Variants in C17orf50 observed in about 807,000 individuals in gnomAD.
C17orf50 encodes uncharacterized protein C17orf50.
A neutral mutation model predicts 17.7 loss-of-function variants in C17orf50; 16 were observed. That is an observed-to-expected ratio of 0.90 (90% CI 0.61 to 1.37). The LOEUF is 1.37. C17orf50 is among the 40% of genes most tolerant of loss of function. The pLI, the probability that C17orf50 is intolerant of heterozygous loss-of-function variation, is 0.00. For missense variants in C17orf50, 271 were observed against 240.7 expected (o/e 1.13, Z -0.83); for synonymous variants, 125 against 111.0 (o/e 1.13, Z -0.80).
chr17:35,760,980 G>A (rs2085805609), intron 1 of C17orf50, 26 bp downstream of exon 1: 16 of 1,608,740 alleles, frequency 9.9e-6, no homozygotes, highest in African/African-American at 1.3e-5. Flanking sequence ...GGCAGGGTGG[G>A]GCTGGAGGAC....
chr17:35,763,071 G>T (rs151180262), intron 1 of C17orf50, among the ~76,000 whole-genome samples: 3,102 of 150,404 alleles, frequency 0.021, 62 homozygotes, highest in East Asian at 0.11. Context: ...GCAGTGAGCC[G>T]AGATGGCACC....
chr17:35,764,680 C>A lies in C17orf50; in HGVS notation c.*62C>A. On this transcript the variant is annotated 3_prime_UTR_variant, in exon 3 of 3. Coordinates refer to ENST00000605587, the MANE Select transcript of C17orf50 (RefSeq NM_145272.4). Reference sequence around the variant, plus strand: ...TCCTGGCCCCAGACCCCCTACCGACCTTCTCTCTTGGAGCGCGGAGCCCTC... The same window carrying A: ...TCCTGGCCCCAGACCCCCTACCGACATTCTCTCTTGGAGCGCGGAGCCCTC... 1.1e-5 allele frequency: 17 copies of A among 1,489,368 alleles called. No homozygotes were observed. The South Asian group carries it at 2.0e-4, about 17-fold the overall frequency. 92.3% of individuals were successfully genotyped at this position (1,489,368 alleles called of 1,614,324 possible).
At chr17:35,761,405 C>T (rs1280340657) in intron 1 of C17orf50, among the ~76,000 whole-genome samples, 2 of 150,898 alleles carry the variant, frequency 1.3e-5, no homozygotes, top group Non-Finnish European at 3.0e-5. Flanking sequence ...GCCACTGTGC[C>T]TGGCCTGTTT....
At chr17:35,763,922 A>AAATAAATG in intron 1 of C17orf50, 85 bp from the exon 2 acceptor site, 1 of 966,482 alleles carries the variant, frequency 1.0e-6, no homozygotes, top group South Asian at 5.3e-5. Flanking sequence ...ATAAATAAAT[A>AAATAAATG]AATAAATAAA....
chr17:35,764,744 G>A lies in C17orf50; in HGVS notation c.*126G>A. On this transcript the variant is annotated 3_prime_UTR_variant, in exon 3 of 3. Transcript: ENST00000605587. ...GCAGGACCGCCCCTTCTCAGCTGCTGCCCAGAGCGCCCCCATCCGTCAAGA... is the reference window on the plus strand; with the variant it reads ...GCAGGACCGCCCCTTCTCAGCTGCTACCCAGAGCGCCCCCATCCGTCAAGA... 1 of 1,066,288 alleles carries A rather than the reference G, an allele frequency of 9.4e-7. No individual in the cohort carries two copies. The highest frequency in any genetic ancestry group is 1.3e-6 in the Non-Finnish European group (1 of 778,190). The allele number at this position is 1,066,288 out of a possible 1,614,324, so 66.1% of individuals were successfully genotyped here.
At chr17:35,763,225 G>C (rs1460444986) in intron 1 of C17orf50, among the ~76,000 whole-genome samples, 1 of 152,058 alleles carries the variant, frequency 6.6e-6, no homozygotes, top group Non-Finnish European at 1.5e-5. Context: ...CTTGAAGCCA[G>C]GAGTTCAGAG....
chr17:35,764,451 T>G lies in C17orf50; in HGVS notation c.358T>G (p.Cys120Gly). 1.9e-6 allele frequency: 3 copies of G among 1,554,784 alleles called. No individual in the cohort carries two copies. The highest frequency in any genetic ancestry group is 1.2e-5 in the South Asian group (1 of 84,256). Residue 120 changes from cysteine (C) to glycine (G), a missense_variant, in exon 3 of 3, where the codon TGC (cysteine) becomes GGC (glycine). Cys to Gly is a radical substitution (Grantham distance 159, BLOSUM62 -3). Coordinates refer to ENST00000605587, the MANE Select transcript of C17orf50 (RefSeq NM_145272.4). ...GAAGCGGAGCCTCCCGGAGGAGCCG[T>G]GCGTGCTGGAGATCCGGCGACGACC... ...DRKRSLPEEP[C>G]VLEIRRRPPR...
chr17:35,763,029 G>A (rs1161785051), intron 1 of C17orf50, among the ~76,000 whole-genome samples: 1 of 151,768 alleles, frequency 6.6e-6, no homozygotes, highest in African/African-American at 2.4e-5. Flanking sequence ...GGCTGAGGCA[G>A]GAGAATGGCG....
intron 1 of C17orf50, among the ~76,000 whole-genome samples, chr17:35,763,097 G>A (rs1378689397): frequency 6.7e-6 from 1 of 150,160 alleles, no homozygotes; most frequent in Non-Finnish European, 1.5e-5. Context: ...ACTCCAGCCT[G>A]GGCGACAGAG....
At chr17:35,763,421 T>C (rs1325515209) in intron 1 of C17orf50, among the ~76,000 whole-genome samples, 2 of 147,726 alleles carry the variant, frequency 1.4e-5, no homozygotes, top group African/African-American at 5.0e-5. Context: ...ACCACAGGTG[T>C]ACACCACCAT....
At chr17:35,760,987 G>GGACAGGACCTCTT (rs781912048) in intron 1 of C17orf50, 33 bp downstream of exon 1, 1 of 1,604,934 alleles carries the variant, frequency 6.2e-7, no homozygotes, top group African/African-American at 1.3e-5. Context: ...TGGGGCTGGA[G>GGACAGGACCTCTT]GACAGGACCT....
In C17orf50 at chr17:35,764,642, G is replaced by A. The variant is rs1555602456; in HGVS notation, c.*24G>A. ...GAGCGCCCCCGCTCCCAGCCTTTGT[G>A]CCCTCCATCATTTCCTGGCCCCAGA... On this transcript the variant is annotated 3_prime_UTR_variant, in exon 3 of 3. Coordinates refer to ENST00000605587, the MANE Select transcript of C17orf50 (RefSeq NM_145272.4). The A allele has an allele frequency of 6.5e-7, 1 of 1,547,922 alleles. No individual in the cohort carries two copies. The highest frequency in any genetic ancestry group is 8.6e-7 in the Non-Finnish European group (1 of 1,156,618).
chr17:35,761,032 A>G (rs2085806863), intron 1 of C17orf50, 78 bp downstream of exon 1: 1 of 1,481,468 alleles, frequency 6.8e-7, no homozygotes, highest in Admixed American at 2.3e-5. Context: ...GCCCATCACC[A>G]TGAAGTCCAA....
rs1568124499 is a variant in C17orf50 at position 35,764,844 on chromosome 17, C to T, written c.*226C>T. On this transcript the variant is annotated 3_prime_UTR_variant, in exon 3 of 3. Transcript: ENST00000605587. ...GCAGAGCCCAGCATAACCTAGAGCCCGCTGTCAACAGCGCCCACCGAGGGC... is the reference window on the plus strand; with the variant it reads ...GCAGAGCCCAGCATAACCTAGAGCCTGCTGTCAACAGCGCCCACCGAGGGC... The T allele has an allele frequency of 7.0e-6, 3 of 427,672 alleles. No homozygotes were observed. The highest frequency in any genetic ancestry group is 8.2e-6 in the Non-Finnish European group (2 of 245,326). 26.5% of individuals were successfully genotyped at this position (427,672 alleles called of 1,614,324 possible).
In C17orf50 at chr17:35,764,431, G is replaced by C. The variant is rs2085893249; in HGVS notation, c.338G>C (p.Arg113Pro). 7 of 1,538,104 alleles carry C rather than the reference G, an allele frequency of 4.6e-6. No homozygotes were observed. The highest frequency in any genetic ancestry group is 2.0e-5 in the Admixed American group (1 of 49,470). The part of the protein sequence containing the change: ...GGLTAPTDRK[R>P]SLPEEPCVLE... ...CGCCTGGTCCCCGCCGGCAGGAAGC[G>C]GAGCCTCCCGGAGGAGCCGTGCGTG... Residue 113 changes from arginine to proline, a missense_variant, in exon 3 of 3, where the codon CGG (arginine) becomes CCG (proline). Physicochemically the swap from Arg to Pro is moderately radical, Grantham distance 103 (BLOSUM62 -2). Coordinates refer to ENST00000605587, the MANE Select transcript of C17orf50 (RefSeq NM_145272.4).
chr17:35,764,335 C>T lies in C17orf50; in HGVS notation c.332+10C>T, dbSNP rs1376325234. ...CAGCTCCCACCGACAGGTGCCTGCG[C>T]GCTCCTCGACCGGGGCACGAGGGAG... is the stretch of plus-strand genomic sequence containing the variant. On this transcript the variant is annotated intron_variant, in intron 2 of 2. Coordinates refer to ENST00000605587, the MANE Select transcript of C17orf50 (RefSeq NM_145272.4). 23 of 1,462,916 alleles carry T rather than the reference C, an allele frequency of 1.6e-5. No individual in the cohort carries two copies. The highest frequency in any genetic ancestry group is 2.1e-5 in the Non-Finnish European group (23 of 1,113,574). 90.6% of individuals were successfully genotyped at this position (1,462,916 alleles called of 1,614,324 possible). A position where few individuals can be genotyped will look rare whatever the true frequency, so the allele number is the denominator to read the frequency against.
intron 1 of C17orf50, among the ~76,000 whole-genome samples, chr17:35,763,092 A>T (rs587622346): frequency 6.6e-6 from 1 of 150,572 alleles, no homozygotes. Context: ...ACTGCACTCC[A>T]GCCTGGGCGA....
chr17:35,761,235 C>CT (rs1189498912), intron 1 of C17orf50, among the ~76,000 whole-genome samples: 2 of 151,166 alleles, frequency 1.3e-5, no homozygotes, highest in African/African-American at 4.9e-5. Context: ...TCCCGAGTAG[C>CT]TGGGACCACA....
Position 35,764,870 on chromosome 17 carries a change from TC to T in C17orf50, c.*256del. ...GCTGTCAACAGCGCCCACCGAGGGC[TC>T]CCCGCCCCCACGCAGCACCAGCGCC... On this transcript the variant is annotated 3_prime_UTR_variant, in exon 3 of 3. Coordinates refer to ENST00000605587, the MANE Select transcript of C17orf50 (RefSeq NM_145272.4). The T allele has an allele frequency of 5.9e-6, 2 of 341,080 alleles. No homozygotes were observed. Among genetic ancestry groups the T allele is most frequent in the South Asian group, 5.6e-5 (1 of 17,978 alleles). The allele number at this position is 341,080 out of a possible 1,614,324, so 21.1% of individuals were successfully genotyped here. A position where few individuals can be genotyped will look rare whatever the true frequency, so the allele number is the denominator to read the frequency against.
Sources: gnomAD v4.1 joint callset for allele counts (sites outside exome capture counted in the v4.1 genomes callset) on GRCh38, gnomAD v4.1.1 for gene constraint, MANE v1.5 for transcripts, NCBI Gene and HGNC (gene_info 2026-07-23, HGNC 2026-07-21) for gene names.